The following ASMTL variants were observed in gnomAD, a reference collection of about 807,000 sequenced individuals.
The protein encoded by ASMTL is acetylserotonin O-methyltransferase like.
A neutral mutation model predicts 60.3 loss-of-function variants in ASMTL; 57 were observed. The ratio of observed to expected loss-of-function variants is 0.95; its 90% CI spans 0.76 to 1.18. The LOEUF is 1.18. Among genes scored for constraint, ASMTL ranks in the 50% most tolerant of loss-of-function variants. ASMTL has a pLI of 0.00. For missense variants in ASMTL, 981 were observed against 852.6 expected (o/e 1.15, Z -1.88); for synonymous variants, 419 against 373.0 (o/e 1.12, Z -1.42).
At chrX:1,415,102 G>A (rs1221347549) in intron 11 of ASMTL, among the ~76,000 whole-genome samples, 1 of 151,968 alleles carries the variant, frequency 6.6e-6, no homozygotes, top group Non-Finnish European at 1.5e-5. Context: ...CACCATGCCT[G>A]GCTAATTTCT....
upstream of ASMTL, among the ~76,000 whole-genome samples, chrX:1,453,302 C>G (rs1287939699): frequency 1.3e-5 from 2 of 151,180 alleles, no homozygotes; most frequent in African/African-American, 4.9e-5. Context: ...TGCCACGCCG[C>G]CATTGAGCTC....
Position 1,433,410 on chromosome X carries a change from C to A in ASMTL, c.401-1033G>T, listed in dbSNP as rs377604792. Among the ~76,000 whole-genome samples, 696 of 148,312 alleles carry A rather than the reference C, an allele frequency of 4.7e-3. 5 individuals are homozygous for A. Among genetic ancestry groups the A allele is most frequent in the East Asian group, 0.042 (208 of 4,898 alleles). On this transcript the variant is annotated intron_variant, in intron 5 of 12. Transcript: ENST00000381317. Reference sequence around the variant, plus strand: ...ACCGCGCGCGGTGGCTCACGCCTGTCATCCCAGCACTTTGGGAGGCCGAGG... The same window carrying A: ...ACCGCGCGCGGTGGCTCACGCCTGTAATCCCAGCACTTTGGGAGGCCGAGG...
rs754195237 is a variant in ASMTL at position 1,438,117 on chromosome X, C to T, written c.273+980G>A. 3.3e-5 allele frequency among the ~76,000 whole-genome samples: 5 copies of T among 150,890 alleles called. No homozygotes were observed. In the East Asian group the frequency reaches 8.0e-4, roughly 24 times the overall value. On this transcript the variant is annotated intron_variant, in intron 3 of 12. Transcript: ENST00000381317. ...CAGCCTGGCCAACATGGTGAAACCC[C>T]GTCTCTACTAAAAATACAAAAATCA...
intron 5 of ASMTL, among the ~76,000 whole-genome samples, chrX:1,433,968 G>T (rs1222678342): frequency 6.6e-6 from 1 of 152,188 alleles, no homozygotes; most frequent in Non-Finnish European, 1.5e-5. Flanking sequence ...AGCGGCAGGT[G>T]GGTGAGAAAA....
At chrX:1,407,032 T>C (rs2089881506) in intron 12 of ASMTL, among the ~76,000 whole-genome samples, 2 of 130,140 alleles carry the variant, frequency 1.5e-5, no homozygotes, top group South Asian at 6.3e-4. Context: ...AGATGGTAGA[T>C]GATGGGTAGG....
chrX:1,440,199 G>A lies in ASMTL; in HGVS notation c.226-1055C>T, dbSNP rs1291618716. 4.6e-5 allele frequency among the ~76,000 whole-genome samples: 7 copies of A among 151,382 alleles called. No homozygotes were observed. In the East Asian group the frequency reaches 9.8e-4, roughly 21 times the overall value. On this transcript the variant is annotated intron_variant, in intron 2 of 12. Transcript: ENST00000381317. ...CCTCCCGGGTTCACGCCATTCTCCC[G>A]CCTCAGCCTCCCGAGTAGCTGGGAC...
chrX:1,421,854 G>C lies in ASMTL; in HGVS notation c.1061-12C>G. The C allele has an allele frequency of 6.2e-7, 1 of 1,613,622 alleles. No homozygotes were observed. The highest frequency in any genetic ancestry group is 8.5e-7 in the Non-Finnish European group (1 of 1,179,618). On this transcript the variant is annotated splice_polypyrimidine_tract_variant and intron_variant, in intron 8 of 12. Coordinates refer to ENST00000381317, the MANE Select transcript of ASMTL (RefSeq NM_004192.4). ...TGTGTTACTGTAACCTGGAGAAATG[G>C]GGACAGTCGTGTGACCTCCTAACGA...
chrX:1,432,203 C>G, intron 6 of ASMTL, 66 bp downstream of exon 6: 2 of 1,338,444 alleles, frequency 1.5e-6, no homozygotes, highest in Admixed American at 3.8e-5. Flanking sequence ...GGTGGGACAC[C>G]CCACGTGTGA....
intron 1 of ASMTL, among the ~76,000 whole-genome samples, chrX:1,450,620 T>C (rs1348779281): frequency 3.4e-4 from 22 of 64,164 alleles, no homozygotes; most frequent in East Asian, 1.6e-3. Flanking sequence ...CCCTAGGGGT[T>C]CTGGGTCACT....
chrX:1,422,659 A>T (rs1268244360), intron 8 of ASMTL, among the ~76,000 whole-genome samples: 6 of 151,794 alleles, frequency 4.0e-5, no homozygotes, highest in Non-Finnish European at 7.4e-5. Flanking sequence ...GCCTCGCACC[A>T]CTCCGGTCCT....
chrX:1,444,420 G>A (rs2091191136), intron 1 of ASMTL, among the ~76,000 whole-genome samples: 1 of 152,028 alleles, frequency 6.6e-6, no homozygotes, highest in Admixed American at 6.6e-5. Flanking sequence ...TGTTGGTCAG[G>A]CTGGTGTCGA....
In ASMTL at chrX:1,418,058, A is replaced by C. The variant is rs2090362934; in HGVS notation, c.1437T>G (p.Thr479=). The C allele has an allele frequency of 3.1e-6, 5 of 1,613,338 alleles. No individual in the cohort carries two copies. The highest frequency in any genetic ancestry group is 3.4e-6 in the Non-Finnish European group (4 of 1,179,566). ...CGATAATGTCTGGGAGGTCAAACACAGTCACCTGCATACGAGGGTACTCAC... is the reference window on the plus strand; with the variant it reads ...CGATAATGTCTGGGAGGTCAAACACCGTCACCTGCATACGAGGGTACTCAC... ...LAREYPRMQV[T]VFDLPDIIEL... is the part of the protein sequence containing the mutation. The change falls in exon 11 of 13, where the codon ACT becomes ACG. Residue 479 remains threonine (T), a synonymous_variant. Transcript: ENST00000381317.
At chrX:1,453,631 G>C (rs2091449208), upstream of ASMTL, 1 of 150,706 alleles carries the variant, frequency 6.6e-6, no homozygotes, top group Admixed American at 6.7e-5. Context: ...CACGTGGAGG[G>C]GCCCGGCGCA....
chrX:1,440,325 C>A (rs191034471), intron 2 of ASMTL, among the ~76,000 whole-genome samples: 1 of 151,878 alleles, frequency 6.6e-6, no homozygotes, highest in African/African-American at 2.4e-5. Flanking sequence ...CTCCTGACCT[C>A]GTGATCCGCC....
At chrX:1,428,554 G>A (rs1267988771) in intron 6 of ASMTL, among the ~76,000 whole-genome samples, 3 of 151,480 alleles carry the variant, frequency 2.0e-5, no homozygotes, top group Non-Finnish European at 4.4e-5. Context: ...GGCTGAGACA[G>A]GAGAATCACT....
intron 8 of ASMTL, 75 bp from the exon 9 acceptor site, chrX:1,421,917 T>C (rs1386739775): frequency 7.1e-7 from 1 of 1,403,654 alleles, no homozygotes; most frequent in Non-Finnish European, 1.0e-6. Flanking sequence ...GGATGTATCA[T>C]TGAGATGTTA....
Position 1,418,007 on chromosome X carries a change from G to A in ASMTL, c.1488C>T (p.Pro496=), listed in dbSNP as rs201312637. 52 of 1,612,346 alleles carry A rather than the reference G, an allele frequency of 3.2e-5. No individual in the cohort carries two copies. Among genetic ancestry groups the A allele is most frequent in the Admixed American group, 8.4e-5 (5 of 59,868 alleles). ...IIELAAHFQP[P]GPQAVQIHFA... The stretch of plus-strand genomic sequence containing the variant: ...AGTGGATCTGCACTGCCTGCGGTCC[G>A]GGGGGTTGGAAGTGGGCGGCCAGCT... The change falls in exon 11 of 13, where the codon CCC becomes CCT. Residue 496 remains proline (P), a synonymous_variant. Transcript: ENST00000381317.
At chrX:1,432,247 C>T (rs778688356) in intron 6 of ASMTL, 22 bp downstream of exon 6, 8 of 1,581,286 alleles carry the variant, frequency 5.1e-6, no homozygotes, top group Admixed American at 1.7e-5. Context: ...TCCCCCGTCC[C>T]CCCACCGCCC....
upstream of ASMTL, among the ~76,000 whole-genome samples, chrX:1,453,200 G>C (rs1220802661): frequency 7.6e-6 from 1 of 131,230 alleles, no homozygotes; most frequent in Non-Finnish European, 1.6e-5. Flanking sequence ...TGCCCTCTCC[G>C]CCAGGCCACG....
Sources: allele counts gnomAD v4.1 joint callset (sites outside exome capture counted in the v4.1 genomes callset), GRCh38; gene constraint gnomAD v4.1.1; transcripts MANE v1.5; gene names NCBI Gene and HGNC (gene_info 2026-07-23, HGNC 2026-07-21).